RNF150: variants seen among roughly 807,000 people sequenced by gnomAD.
The protein encoded by RNF150 is ring finger protein 150.
In RNF150, 24 loss-of-function variants were observed where a neutral mutation model predicts 39.3. The observed-to-expected ratio is 0.61, with a 90% CI of 0.44 to 0.86. The LOEUF is 0.86. Among genes scored for constraint, RNF150 ranks in the 40% least tolerant of loss-of-function variants. The pLI, the probability that RNF150 is intolerant of heterozygous loss-of-function variation, is 0.00. For missense variants in RNF150, 502 were observed against 587.8 expected, an observed-to-expected ratio of 0.85 and a Z score of 1.51; for synonymous variants, 255 against 227.3, an observed-to-expected ratio of 1.12 and a Z score of -1.10.
At chr4:141,066,743 C>G (rs529683715) in intron 1 of RNF150, among the ~76,000 whole-genome samples, 2 of 152,228 alleles carry the variant, frequency 1.3e-5, no homozygotes, top group South Asian at 4.1e-4. Flanking sequence ...AATATAAAGT[C>G]TGAATTATTA....
chr4:141,094,818 A>C (rs1453776432), intron 1 of RNF150, among the ~76,000 whole-genome samples: 1 of 152,276 alleles, frequency 6.6e-6, no homozygotes, highest in East Asian at 1.9e-4. Flanking sequence ...GAAGTCATCA[A>C]GCATTGGTAA....
intron 4 of RNF150, among the ~76,000 whole-genome samples, chr4:140,930,408 C>G (rs186565304): frequency 2.9e-4 from 44 of 152,296 alleles, no homozygotes; most frequent in Non-Finnish European, 4.9e-4. Context: ...CCAACATATC[C>G]CTCCAATTAG....
chr4:141,078,192 G>A (rs1737973862), intron 1 of RNF150, among the ~76,000 whole-genome samples: 2 of 152,192 alleles, frequency 1.3e-5, no homozygotes. Flanking sequence ...ACCAAGAGAT[G>A]CCTGTACTTA....
chr4:140,890,252 T>A (rs991448889), intron 6 of RNF150, among the ~76,000 whole-genome samples: 1 of 152,226 alleles, frequency 6.6e-6, no homozygotes, highest in Non-Finnish European at 1.5e-5. Flanking sequence ...TTTTTCCTTA[T>A]CTTGTTTTCA....
intron 6 of RNF150, among the ~76,000 whole-genome samples, chr4:140,885,201 C>CTTT (rs752444379): frequency 0.013 from 1,666 of 129,090 alleles, 78 homozygotes; most frequent in African/African-American, 0.045. Flanking sequence ...CAACATCAGT[C>CTTT]TTTTTTTTTT....
At chr4:140,934,432 TAGC>T (rs1731760460) in intron 4 of RNF150, among the ~76,000 whole-genome samples, 1 of 152,074 alleles carries the variant, frequency 6.6e-6, no homozygotes, top group African/African-American at 2.4e-5. Flanking sequence ...GCAAATATGA[TAGC>T]AGTTTCATGT....
chr4:140,880,691 A>C (rs897317626), intron 6 of RNF150, among the ~76,000 whole-genome samples: 16 of 150,988 alleles, frequency 1.1e-4, no homozygotes, highest in African/African-American at 3.9e-4. Flanking sequence ...AGGTCTTTTT[A>C]TTACTGGTTC....
At chr4:141,053,719 GA>G in intron 1 of RNF150, 1 of 1,413,104 alleles carries the variant, frequency 7.1e-7, no homozygotes, top group South Asian at 1.6e-5. Flanking sequence ...CTGGGCATGA[GA>G]AGACATTAAA....
At chr4:140,904,397 T>A (rs536537789) in intron 6 of RNF150, among the ~76,000 whole-genome samples, 22 of 152,244 alleles carry the variant, frequency 1.4e-4, no homozygotes, top group Non-Finnish European at 2.2e-4. Context: ...AAAGCAATCA[T>A]CTTTCCAGGG....
intron 1 of RNF150, among the ~76,000 whole-genome samples, chr4:140,999,141 C>T (rs753709729): frequency 6.6e-6 from 1 of 152,110 alleles, no homozygotes; most frequent in East Asian, 1.9e-4. Context: ...AACCCTGGCA[C>T]TCCAAAAAAG....
At chr4:140,983,077 C>T (rs1560999148) in intron 1 of RNF150, among the ~76,000 whole-genome samples, 1 of 152,112 alleles carries the variant, frequency 6.6e-6, no homozygotes, top group South Asian at 2.1e-4. Flanking sequence ...TGCAATCAGC[C>T]TGTTGAATAG....
chr4:141,144,512 G>A (rs1447269183), intron 1 of RNF150, among the ~76,000 whole-genome samples: 5 of 152,138 alleles, frequency 3.3e-5, no homozygotes, highest in African/African-American at 1.2e-4. Context: ...TGAATTCTAT[G>A]CAGGAGAATT....
chr4:141,197,661 G>A (rs1186534053), intron 1 of RNF150, among the ~76,000 whole-genome samples: 4 of 152,034 alleles, frequency 2.6e-5, no homozygotes, highest in Admixed American at 1.3e-4. Flanking sequence ...GGCAGATCAC[G>A]AGGTCAGGAG....
chr4:141,111,602 T>G (rs1022623232), intron 1 of RNF150, among the ~76,000 whole-genome samples: 1 of 152,142 alleles, frequency 6.6e-6, no homozygotes, highest in African/African-American at 2.4e-5. Flanking sequence ...AGGATTTATG[T>G]TAAAATCGCA....
chr4:141,020,186 T>C (rs1735440548), intron 1 of RNF150, among the ~76,000 whole-genome samples: 1 of 152,188 alleles, frequency 6.6e-6, no homozygotes, highest in Admixed American at 6.6e-5. Flanking sequence ...CCGTTTTAGC[T>C]TGACTGCTCC....
At chr4:140,948,364 A>G (rs1732404875) in intron 3 of RNF150, among the ~76,000 whole-genome samples, 1 of 152,218 alleles carries the variant, frequency 6.6e-6, no homozygotes, top group South Asian at 2.1e-4. Flanking sequence ...ATTAGAGACA[A>G]TACCTGCTTA....
intron 2 of RNF150, among the ~76,000 whole-genome samples, chr4:140,957,291 C>T (rs1732799003): frequency 6.6e-6 from 1 of 151,946 alleles, no homozygotes; most frequent in South Asian, 2.1e-4. Context: ...CCAAAAAACA[C>T]ATGAAAAAAT....
intron 1 of RNF150, among the ~76,000 whole-genome samples, chr4:141,180,834 C>A (rs1475766383): frequency 1.3e-5 from 2 of 152,070 alleles, no homozygotes; most frequent in Non-Finnish European, 2.9e-5. Context: ...TTTCCATGGA[C>A]CTTTCTCAGG....
chr4:140,951,188 G>A (rs1560983195), intron 2 of RNF150, among the ~76,000 whole-genome samples: 1 of 152,056 alleles, frequency 6.6e-6, no homozygotes, highest in African/African-American at 2.4e-5. Context: ...GCACTGTCAC[G>A]TTTGACATTT....
Sources: allele counts gnomAD v4.1 joint callset (sites outside exome capture counted in the v4.1 genomes callset), GRCh38; gene constraint gnomAD v4.1.1; transcripts MANE v1.5; gene names NCBI Gene and HGNC (gene_info 2026-07-23, HGNC 2026-07-21).